The following MLLT3 variants were observed in gnomAD, a reference collection of about 807,000 sequenced individuals.
The protein encoded by MLLT3 is protein AF-9.
Under a neutral mutation model 53.2 loss-of-function variants are expected in MLLT3, and 4 were observed. The observed-to-expected ratio is 0.08, with a 90% CI of 0.04 to 0.17. The LOEUF is 0.17. MLLT3 is among the 10% of genes least tolerant of loss of function. MLLT3 has a pLI of 1.00. For missense variants in MLLT3, 569 were observed against 684.0 expected (o/e 0.83, Z 1.87); for synonymous variants, 283 against 230.6 (o/e 1.23, Z -2.06).
chr9:20,490,315 G>A (rs1004297212), intron 2 of MLLT3, among the ~76,000 whole-genome samples: 2 of 152,230 alleles, frequency 1.3e-5, no homozygotes, highest in African/African-American at 4.8e-5. Context: ...GACTTTAAAA[G>A]TGAAGAACTT....
At chr9:20,554,290 G>T (rs1819001041) in intron 2 of MLLT3, among the ~76,000 whole-genome samples, 1 of 151,892 alleles carries the variant, frequency 6.6e-6, no homozygotes, top group Non-Finnish European at 1.5e-5. Flanking sequence ...ATTTTTTAAA[G>T]ACCTCTGTTC....
At chr9:20,469,827 T>C (rs904640017) in intron 2 of MLLT3, among the ~76,000 whole-genome samples, 1 of 151,968 alleles carries the variant, frequency 6.6e-6, no homozygotes, top group Non-Finnish European at 1.5e-5. Context: ...GTGAGCTAAG[T>C]CCCAAATAAT....
At chr9:20,582,821 T>C (rs1819832426) in intron 2 of MLLT3, among the ~76,000 whole-genome samples, 1 of 152,132 alleles carries the variant, frequency 6.6e-6, no homozygotes, top group South Asian at 2.1e-4. Flanking sequence ...CCTGGGTCCC[T>C]CCTACAACAC....
intron 2 of MLLT3, among the ~76,000 whole-genome samples, chr9:20,508,758 A>G (rs1313894443): frequency 6.6e-6 from 1 of 152,246 alleles, no homozygotes; most frequent in Non-Finnish European, 1.5e-5. Flanking sequence ...GAAGTATAAA[A>G]TAAGTATCTA....
At chr9:20,402,378 C>T (rs1295701428) in intron 5 of MLLT3, among the ~76,000 whole-genome samples, 2 of 152,238 alleles carry the variant, frequency 1.3e-5, no homozygotes, top group South Asian at 2.1e-4. Context: ...CCAGAGTTCA[C>T]TGGAAAGTTG....
chr9:20,520,176 C>T (rs1478536072), intron 2 of MLLT3, among the ~76,000 whole-genome samples: 1 of 151,926 alleles, frequency 6.6e-6, no homozygotes, highest in African/African-American at 2.4e-5. Flanking sequence ...TAGAGGGGAA[C>T]AACACACACT....
chr9:20,529,400 A>C (rs970353269), intron 2 of MLLT3, among the ~76,000 whole-genome samples: 1 of 152,338 alleles, frequency 6.6e-6, no homozygotes, highest in African/African-American at 2.4e-5. Flanking sequence ...ATATGTTCAG[A>C]TTAAAAGTTC....
At chr9:20,391,565 C>CG (rs1822180353) in intron 5 of MLLT3, among the ~76,000 whole-genome samples, 1 of 152,196 alleles carries the variant, frequency 6.6e-6, no homozygotes, top group South Asian at 2.1e-4. Context: ...AGGGAATCAT[C>CG]ATCTCATCTC....
chr9:20,514,939 ATTTTTTTT>A (rs35816235), intron 2 of MLLT3, among the ~76,000 whole-genome samples: 11 of 88,734 alleles, frequency 1.2e-4, no homozygotes, highest in African/African-American at 4.5e-4. Flanking sequence ...TGAAGGAACA[ATTTTTTTT>A]TTTTTTTTTT....
At chr9:20,537,765 T>C (rs1818524049) in intron 2 of MLLT3, among the ~76,000 whole-genome samples, 1 of 152,178 alleles carries the variant, frequency 6.6e-6, no homozygotes, top group African/African-American at 2.4e-5. Flanking sequence ...TGCAGATGAT[T>C]TATTGCCCTA....
At chr9:20,589,385 G>A (rs1216436889) in intron 2 of MLLT3, among the ~76,000 whole-genome samples, 1 of 141,708 alleles carries the variant, frequency 7.1e-6, no homozygotes, top group Non-Finnish European at 1.5e-5. Flanking sequence ...ATTGAACAAT[G>A]AGATCACATG....
At chr9:20,553,222 C>T (rs933462779) in intron 2 of MLLT3, among the ~76,000 whole-genome samples, 2 of 152,114 alleles carry the variant, frequency 1.3e-5, no homozygotes, top group Non-Finnish European at 2.9e-5. Context: ...CCTCATTTCT[C>T]GACACTAAAT....
chr9:20,471,623 A>G (rs955867490), intron 2 of MLLT3, among the ~76,000 whole-genome samples: 1 of 152,064 alleles, frequency 6.6e-6, no homozygotes, highest in Non-Finnish European at 1.5e-5. Context: ...TGCAAATTCA[A>G]TGTAACACAT....
At position 20,414,324 on chromosome 9, in the gene MLLT3, GCTGCTGCTGCTGCTGCTGCTA is replaced by G. The variant is rs1822814260; in HGVS notation, c.501_521del (p.Ser184_Ser190del). The G allele has an allele frequency of 6.9e-6, 11 of 1,605,752 alleles. No individual in the cohort carries two copies. Among genetic ancestry groups the G allele is most frequent in the African/African-American group, 2.7e-5 (2 of 74,610 alleles). The stretch of plus-strand genomic sequence containing the variant: ...TACTGCTGCTGCTACTGCTGCTGCT[GCTGCTGCTGCTGCTGCTGCTA>G]CTGCTGCTGCTGCTGCTGCTGCTGC... On this transcript the variant is annotated inframe_deletion, in exon 5 of 11. Transcript: ENST00000380338.
rs1821045056 is a variant in MLLT3, at chr9:20,622,317, C to CA, written c.-62_-61insT. 1 of 1,458,806 alleles carries CA rather than the reference C, an allele frequency of 6.9e-7. No homozygotes were observed. The highest frequency in any genetic ancestry group is 9.2e-7 in the Non-Finnish European group (1 of 1,087,448). 90.4% of individuals were successfully genotyped at this position (1,458,806 alleles called of 1,614,324 possible). ...GGTACCCCCCCCTCCTCCGCCCCCC[C>CA]TCAGCTGTAATTCATGAAGAGGCTG... On this transcript the variant is annotated 5_prime_UTR_variant, in exon 1 of 11. The change creates a new upstream start codon in the 5' untranslated region. Transcript: ENST00000380338.
At chr9:20,528,648 T>G (rs1228374951) in intron 2 of MLLT3, among the ~76,000 whole-genome samples, 2 of 152,238 alleles carry the variant, frequency 1.3e-5, no homozygotes, top group African/African-American at 4.8e-5. Context: ...TGTCTCCATC[T>G]TCACAGTGCC....
At chr9:20,458,870 C>T (rs1488082846) in intron 2 of MLLT3, among the ~76,000 whole-genome samples, 1 of 152,154 alleles carries the variant, frequency 6.6e-6, no homozygotes, top group Non-Finnish European at 1.5e-5. Flanking sequence ...TGACTGAAGC[C>T]AGGGAGGAAA....
intron 5 of MLLT3, among the ~76,000 whole-genome samples, chr9:20,402,518 C>T (rs539316247): frequency 6.6e-6 from 1 of 152,056 alleles, no homozygotes; most frequent in Non-Finnish European, 1.5e-5. Flanking sequence ...GTTTCGTCCG[C>T]TGAGAACAGC....
At chr9:20,590,573 C>T (rs1255594795) in intron 2 of MLLT3, among the ~76,000 whole-genome samples, 1 of 152,160 alleles carries the variant, frequency 6.6e-6, no homozygotes, top group Non-Finnish European at 1.5e-5. Flanking sequence ...CTGCCTGCCA[C>T]CATGTAAGAC....
Sources: allele counts gnomAD v4.1 joint callset (sites outside exome capture counted in the v4.1 genomes callset), GRCh38; gene constraint gnomAD v4.1.1; transcripts MANE v1.5; gene names NCBI Gene and HGNC (gene_info 2026-07-23, HGNC 2026-07-21).